The following WDR37 variants were observed in gnomAD, a reference collection of about 807,000 sequenced individuals.
The protein encoded by WDR37 is WD repeat-containing protein 37.
In WDR37, 19 loss-of-function variants were observed where a neutral mutation model predicts 62.9. The observed-to-expected ratio is 0.30, with a 90% CI of 0.21 to 0.44. The LOEUF is 0.44. Ranked by LOEUF, WDR37 falls within the 20% of genes least tolerant of loss-of-function variation. WDR37 has a pLI of 1.00. For synonymous variants in WDR37, 250 were observed against 260.9 expected (o/e 0.96, Z 0.40); for missense variants, 474 against 657.6 (o/e 0.72, Z 3.05).
rs143220684 is a variant in WDR37 at position 1,107,966 on chromosome 10, G to A, written c.1103+2699G>A. 2.0e-4 allele frequency among the ~76,000 whole-genome samples: 30 copies of A among 152,236 alleles called. 1 individual carries two copies. In the East Asian group the frequency reaches 5.6e-3, roughly 28 times the overall value. ...GACACGCCCACTTATCCTTCACCTAGGTTCACCTGTTGTTGTATTGCAGCA... is the reference window on the plus strand; with the variant it reads ...GACACGCCCACTTATCCTTCACCTAAGTTCACCTGTTGTTGTATTGCAGCA... On this transcript the variant is annotated intron_variant, in intron 11 of 13. Transcript: ENST00000263150.
intron 1 of WDR37, among the ~76,000 whole-genome samples, chr10:1,060,766 G>A (rs1833349576): frequency 6.6e-6 from 1 of 152,246 alleles, no homozygotes; most frequent in South Asian, 2.1e-4. Context: ...CCTCATGTAA[G>A]ATGGTGGTCC....
At chr10:1,089,769 C>T (rs866146319) in intron 7 of WDR37, among the ~76,000 whole-genome samples, 1 of 152,214 alleles carries the variant, frequency 6.6e-6, no homozygotes, top group Non-Finnish European at 1.5e-5. Flanking sequence ...CTTCTGGCCT[C>T]CAGTATTCGG....
At chr10:1,122,960 CT>C (rs1009280366) in intron 11 of WDR37, among the ~76,000 whole-genome samples, 6 of 152,052 alleles carry the variant, frequency 3.9e-5, no homozygotes, top group Non-Finnish European at 8.8e-5. Flanking sequence ...ATGTCAAACA[CT>C]TTTTTTTACA....
At position 1,125,030 on chromosome 10, in the gene WDR37, A is replaced by T. The variant is rs1835696425; in HGVS notation, c.1353+6A>T. On this transcript the variant is annotated splice_donor_region_variant and intron_variant, in intron 13 of 13. Transcript: ENST00000263150. ...TTCCCCGGAGCAGCCGACAGGTAAC[A>T]GCACGGTCGGTGAACATATGCAGGG... 1 of 1,614,086 alleles carries T rather than the reference A, an allele frequency of 6.2e-7. No homozygotes were observed. Among genetic ancestry groups the T allele is most frequent in the Admixed American group, 1.7e-5 (1 of 60,002 alleles).
At chr10:1,067,563 T>C (rs1053637895) in intron 1 of WDR37, among the ~76,000 whole-genome samples, 3 of 152,114 alleles carry the variant, frequency 2.0e-5, no homozygotes, top group Non-Finnish European at 1.5e-5. Flanking sequence ...AACTCTTAAA[T>C]CTCAACAGTA....
intron 9 of WDR37, among the ~76,000 whole-genome samples, chr10:1,099,674 A>G (rs1834723300): frequency 6.6e-6 from 1 of 152,278 alleles, no homozygotes; most frequent in African/African-American, 2.4e-5. Flanking sequence ...GAAACAAGTG[A>G]AATGTGTGCT....
chr10:1,090,960 G>A (rs367764064), intron 7 of WDR37, among the ~76,000 whole-genome samples: 27 of 152,172 alleles, frequency 1.8e-4, no homozygotes, highest in Non-Finnish European at 3.5e-4. Flanking sequence ...CCTGTTGACC[G>A]TCCACTATGG....
intron 1 of WDR37, among the ~76,000 whole-genome samples, chr10:1,071,581 T>C (rs1036493953): frequency 1.3e-5 from 2 of 152,246 alleles, no homozygotes; most frequent in African/African-American, 4.8e-5. Context: ...ATATACACGC[T>C]GAATTTCAAA....
intron 11 of WDR37, among the ~76,000 whole-genome samples, chr10:1,122,562 C>T (rs567572993): frequency 2.0e-5 from 3 of 152,302 alleles, no homozygotes; most frequent in African/African-American, 7.2e-5. Flanking sequence ...GGACGCGCAG[C>T]CCCCTGGCCG....
At chr10:1,099,082 G>C (rs1225986987) in intron 9 of WDR37, among the ~76,000 whole-genome samples, 1 of 152,200 alleles carries the variant, frequency 6.6e-6, no homozygotes, top group Non-Finnish European at 1.5e-5. Flanking sequence ...CAAAAGATGT[G>C]TATTGAGAAG....
intron 1 of WDR37, among the ~76,000 whole-genome samples, chr10:1,068,080 C>T (rs12354710): frequency 0.13 from 19,013 of 151,934 alleles, 1,633 homozygotes; most frequent in Non-Finnish European, 0.19. Flanking sequence ...GGGTGTGAGT[C>T]GGGGGCGGAG....
chr10:1,095,719 C>T (rs376278791), intron 8 of WDR37, among the ~76,000 whole-genome samples: 7 of 152,166 alleles, frequency 4.6e-5, no homozygotes, highest in African/African-American at 1.7e-4. Flanking sequence ...GGACGGGAGC[C>T]GCACACATGA....
At chr10:1,074,568 G>GC (rs1355062640) in intron 2 of WDR37, 7 of 1,294,798 alleles carry the variant, frequency 5.4e-6, no homozygotes, top group Non-Finnish European at 6.1e-6. Flanking sequence ...GAGGTGAGTG[G>GC]CCCCCGTGAG....
intron 1 of WDR37, among the ~76,000 whole-genome samples, chr10:1,067,642 A>G (rs1434251120): frequency 1.3e-5 from 2 of 152,228 alleles, no homozygotes; most frequent in Non-Finnish European, 2.9e-5. Context: ...TATGTGGATG[A>G]CAAGCACATG....
chr10:1,115,729 T>C (rs1234174652), intron 11 of WDR37, among the ~76,000 whole-genome samples: 3 of 152,220 alleles, frequency 2.0e-5, no homozygotes, highest in Non-Finnish European at 4.4e-5. Context: ...ATCAGTTTGC[T>C]TTCCACTTTC....
chr10:1,127,993 C>T (rs769134016), intron 13 of WDR37, among the ~76,000 whole-genome samples: 9 of 152,272 alleles, frequency 5.9e-5, no homozygotes, highest in Non-Finnish European at 1.2e-4. Flanking sequence ...CTCTTGCCCA[C>T]AGCCTTGGTT....
At chr10:1,124,185 T>C in intron 11 of WDR37, 33 bp from the exon 12 acceptor site, 1 of 1,613,476 alleles carries the variant, frequency 6.2e-7, no homozygotes, top group Non-Finnish European at 8.5e-7. Context: ...CTGCACCTGC[T>C]GTTGCATCTG....
intron 5 of WDR37, among the ~76,000 whole-genome samples, chr10:1,083,601 G>C (rs1335478537): frequency 6.6e-6 from 1 of 152,212 alleles, no homozygotes; most frequent in Non-Finnish European, 1.5e-5. Context: ...AATTTAAAAA[G>C]CAAACTCTGC....
At chr10:1,095,259 GGA>G (rs1351162892) in intron 8 of WDR37, among the ~76,000 whole-genome samples, 2 of 150,574 alleles carry the variant, frequency 1.3e-5, no homozygotes, top group African/African-American at 4.9e-5. Context: ...CATGGAGAGG[GGA>G]GAGTTAGACT....
Sources: allele counts gnomAD v4.1 joint callset (sites outside exome capture counted in the v4.1 genomes callset), GRCh38; gene constraint gnomAD v4.1.1; transcripts MANE v1.5; gene names NCBI Gene and HGNC (gene_info 2026-07-23, HGNC 2026-07-21).